Variants in DPP10 observed in about 807,000 individuals in gnomAD.
DPP10 encodes inactive dipeptidyl peptidase 10.
A neutral mutation model predicts 120.9 loss-of-function variants in DPP10; 33 were observed. The observed-to-expected ratio is 0.27, with a 90% CI of 0.21 to 0.37. DPP10 has a LOEUF of 0.37. Among genes scored for constraint, DPP10 ranks in the 10% least tolerant of loss-of-function variants. The probability of loss-of-function intolerance (pLI) is 1.00; values close to 1 mark genes in which losing one functional copy is unlikely to be tolerated. For missense variants in DPP10, 816 were observed against 942.8 expected (o/e 0.87, Z 1.76); for synonymous variants, 337 against 326.1 (o/e 1.03, Z -0.36).
At chr2:115,475,954 T>A in intron 3 of DPP10, among the ~76,000 whole-genome samples, 1 of 152,220 alleles carries the variant, frequency 6.6e-6, no homozygotes, top group Admixed American at 6.5e-5. Flanking sequence ...TTGTTTTTGA[T>A]TTTACAAGCT....
rs759212721 is a variant in DPP10 at position 115,739,736 on chromosome 2, T to C, written c.698-3T>C. ...GGTCTCAAATAACACTCATTTATTC[T>C]AGAGGAACTCCTGCATTCTCACATC... On this transcript the variant is annotated splice_polypyrimidine_tract_variant and splice_region_variant and intron_variant, in intron 8 of 25. Coordinates refer to ENST00000410059, the MANE Select transcript of DPP10 (RefSeq NM_020868.6). 1.4e-5 allele frequency: 22 copies of C among 1,612,850 alleles called. No homozygotes were observed. Among genetic ancestry groups the C allele is most frequent in the Admixed American group, 3.3e-5 (2 of 59,974 alleles).
chr2:114,659,496 G>C (rs943991735), intron 1 of DPP10, among the ~76,000 whole-genome samples: 1 of 152,080 alleles, frequency 6.6e-6, no homozygotes, highest in Non-Finnish European at 1.5e-5. Flanking sequence ...CCAAGTAATG[G>C]GGTTTAGTAT....
At chr2:115,273,114 G>C (rs936245791) in intron 1 of DPP10, among the ~76,000 whole-genome samples, 1 of 151,912 alleles carries the variant, frequency 6.6e-6, no homozygotes, top group Admixed American at 6.6e-5. Flanking sequence ...TATGAATTTT[G>C]GCTTTTCTCT....
intron 5 of DPP10, among the ~76,000 whole-genome samples, chr2:115,567,798 T>C (rs2081093018): frequency 1.3e-5 from 2 of 152,252 alleles, no homozygotes; most frequent in African/African-American, 4.8e-5. Context: ...CCAATTTACA[T>C]TCACAATAGC....
intron 15 of DPP10, among the ~76,000 whole-genome samples, chr2:115,780,168 T>A (rs1309893161): frequency 6.6e-6 from 1 of 151,982 alleles, no homozygotes; most frequent in Non-Finnish European, 1.5e-5. Flanking sequence ...ATTTATTAAA[T>A]AAACAATTTG....
At chr2:114,966,784 G>A (rs917977868) in intron 1 of DPP10, among the ~76,000 whole-genome samples, 7 of 152,240 alleles carry the variant, frequency 4.6e-5, no homozygotes, top group Non-Finnish European at 1.0e-4. Context: ...GCTCATGCCT[G>A]TAATCCCAGC....
At chr2:115,412,672 G>A (rs1352108710) in intron 3 of DPP10, among the ~76,000 whole-genome samples, 1 of 152,122 alleles carries the variant, frequency 6.6e-6, no homozygotes, top group Non-Finnish European at 1.5e-5. Flanking sequence ...AGTTATTTCT[G>A]ATCTACTCAA....
intron 1 of DPP10, among the ~76,000 whole-genome samples, chr2:114,600,139 C>G (rs1692248333): frequency 6.6e-6 from 1 of 151,496 alleles, no homozygotes; most frequent in East Asian, 1.9e-4. Flanking sequence ...ATCTCTTTGT[C>G]TTCCTTCTGA....
rs561981829 is a variant in DPP10, at chr2:115,700,742, A to G, written c.576+10821A>G. 3.3e-5 allele frequency among the ~76,000 whole-genome samples: 5 copies of G among 152,286 alleles called. No individual in the cohort carries two copies. In the South Asian group the frequency reaches 8.3e-4, roughly 25 times the overall value. The stretch of plus-strand genomic sequence containing the variant: ...TAATAAACACATTCAGCAAAGTACT[A>G]GGATAAAAAGTCAACACAGAGAAAT... On this transcript the variant is annotated intron_variant, in intron 7 of 25. Transcript: ENST00000410059.
At chr2:115,187,180 G>A (rs1410891988) in intron 1 of DPP10, among the ~76,000 whole-genome samples, 1 of 150,306 alleles carries the variant, frequency 6.7e-6, no homozygotes, top group Non-Finnish European at 1.5e-5. Context: ...GCGACTACAG[G>A]CGCCCGCCAC....
chr2:114,503,149 A>T (rs1450016951), intron 1 of DPP10, among the ~76,000 whole-genome samples: 1 of 152,224 alleles, frequency 6.6e-6, no homozygotes, highest in Non-Finnish European at 1.5e-5. Context: ...AATCACCAAT[A>T]GCATGGGGCT....
chr2:114,779,219 A>G (rs1341514881), intron 1 of DPP10, among the ~76,000 whole-genome samples: 1 of 152,256 alleles, frequency 6.6e-6, no homozygotes, highest in African/African-American at 2.4e-5. Flanking sequence ...GGATGTGGAC[A>G]CTAAATGCTC....
intron 1 of DPP10, among the ~76,000 whole-genome samples, chr2:114,817,006 C>T (rs1251075639): frequency 1.3e-5 from 2 of 152,170 alleles, no homozygotes; most frequent in African/African-American, 2.4e-5. Context: ...AACAAGCATA[C>T]TGATAACAGT....
intron 5 of DPP10, among the ~76,000 whole-genome samples, chr2:115,604,785 A>G (rs111719264): frequency 6.6e-6 from 1 of 152,176 alleles, no homozygotes. Context: ...TGAAAACATA[A>G]GTAGCCACCT....
At chr2:115,722,915 T>C (rs1249274300) in intron 7 of DPP10, among the ~76,000 whole-genome samples, 1 of 152,196 alleles carries the variant, frequency 6.6e-6, no homozygotes, top group Admixed American at 6.5e-5. Flanking sequence ...AGTGGTGGTA[T>C]GCAGAACCTG....
At chr2:114,507,536 C>T (rs1186365292) in intron 1 of DPP10, among the ~76,000 whole-genome samples, 1 of 152,104 alleles carries the variant, frequency 6.6e-6, no homozygotes, top group Non-Finnish European at 1.5e-5. Context: ...CATATATTGG[C>T]TTAAAAGTCC....
intron 1 of DPP10, among the ~76,000 whole-genome samples, chr2:114,961,201 T>C (rs1390471408): frequency 6.6e-6 from 1 of 151,902 alleles, no homozygotes; most frequent in African/African-American, 2.4e-5. Flanking sequence ...ATTACAGGCA[T>C]GCACCACCAT....
intron 1 of DPP10, among the ~76,000 whole-genome samples, chr2:115,099,381 G>A (rs927318227): frequency 3.3e-5 from 5 of 152,140 alleles, no homozygotes; most frequent in Non-Finnish European, 2.9e-5. Context: ...TCCCCATTGT[G>A]AAACAGCAGC....
chr2:114,506,399 C>A (rs1265095683), intron 1 of DPP10, among the ~76,000 whole-genome samples: 1 of 152,176 alleles, frequency 6.6e-6, no homozygotes, highest in African/African-American at 2.4e-5. Flanking sequence ...AAATCCCCTG[C>A]ACTTACCATC....
Sources: allele counts gnomAD v4.1 joint callset (sites outside exome capture counted in the v4.1 genomes callset), GRCh38; gene constraint gnomAD v4.1.1; transcripts MANE v1.5; gene names NCBI Gene and HGNC (gene_info 2026-07-23, HGNC 2026-07-21).